Variants in HYCC2 observed in about 807,000 individuals in gnomAD.
HYCC2 encodes the protein hyccin 2.
chr2:201,026,460 A>G, the HYCC2 span, among the ~76,000 whole-genome samples: 2 of 152,174 alleles, frequency 1.3e-5, no homozygotes, highest in Admixed American at 1.3e-4. Context: ...TGCACCAAGC[A>G]CACCTAATAG....
chr2:201,052,237 C>T, the HYCC2 span: 1 of 153,022 alleles, frequency 6.5e-6, no homozygotes, highest in Non-Finnish European at 1.5e-5. Flanking sequence ...GGCGAGGCTG[C>T]AGTGAGCCGA....
chr2:200,978,353 C>T, the HYCC2 span: 1 of 151,246 alleles, frequency 6.6e-6, no homozygotes, highest in East Asian at 1.9e-4. Flanking sequence ...TTCACATCAC[C>T]TAAAAGAATA....
the HYCC2 span, among the ~76,000 whole-genome samples, chr2:201,067,866 A>G: frequency 1.3e-5 from 2 of 152,238 alleles, no homozygotes; most frequent in Admixed American, 6.5e-5. Context: ...ACAGGTCTGA[A>G]TCATGAAATA....
chr2:201,058,698 C>CAT, the HYCC2 span, among the ~76,000 whole-genome samples: 1 of 152,024 alleles, frequency 6.6e-6, no homozygotes, highest in African/African-American at 2.4e-5. Context: ...GGCCAGACCC[C>CAT]ATCTCAAGAA....
At chr2:200,994,135 T>C in the HYCC2 span, among the ~76,000 whole-genome samples, 1 of 152,180 alleles carries the variant, frequency 6.6e-6, no homozygotes, top group Admixed American at 6.5e-5. Flanking sequence ...TGGATGATGG[T>C]GAGTATCACA....
At chr2:201,039,716 A>G in the HYCC2 span, among the ~76,000 whole-genome samples, 1 of 152,220 alleles carries the variant, frequency 6.6e-6, no homozygotes, top group Non-Finnish European at 1.5e-5. Flanking sequence ...GCTAATACCA[A>G]CTAACTGAAT....
chr2:201,023,730 A>T, the HYCC2 span: 3 of 358,000 alleles, frequency 8.4e-6, no homozygotes, highest in Non-Finnish European at 1.5e-5. Context: ...CAATCCTAAC[A>T]ACTATTTTCA....
chr2:201,015,928 C>T, the HYCC2 span, among the ~76,000 whole-genome samples: 1 of 152,132 alleles, frequency 6.6e-6, no homozygotes, highest in East Asian at 1.9e-4. Flanking sequence ...TCAATAAAGC[C>T]TGCCATGATA....
At chr2:200,977,653 C>A in the HYCC2 span, 2 of 152,232 alleles carry the variant, frequency 1.3e-5, no homozygotes, top group Non-Finnish European at 2.9e-5. Context: ...GAGTTCGAGA[C>A]CAGCCTGGGC....
chr2:200,979,264 TACACACACACACAC>T, the HYCC2 span: 9 of 144,188 alleles, frequency 6.2e-5, no homozygotes, highest in South Asian at 1.1e-3. Context: ...ATACACACCA[TACACACACACACAC>T]ACACACACAC....
the HYCC2 span, chr2:201,022,112 T>C: frequency 2.3e-6 from 3 of 1,289,468 alleles, no homozygotes; most frequent in Non-Finnish European, 3.0e-6. Flanking sequence ...TTGGAGGCTG[T>C]ATCTGGGAAG....
chr2:200,974,547 G>C, the HYCC2 span: 1 of 151,824 alleles, frequency 6.6e-6, no homozygotes, highest in Non-Finnish European at 1.5e-5. Context: ...TCTCAATTCA[G>C]TATGGATGAT....
the HYCC2 span, among the ~76,000 whole-genome samples, chr2:201,062,285 G>A: frequency 6.6e-6 from 1 of 152,150 alleles, no homozygotes; most frequent in African/African-American, 2.4e-5. Context: ...TTGGGAGGCT[G>A]AAAAGGGTGG....
At chr2:200,997,385 A>G in the HYCC2 span, 1 of 1,211,114 alleles carries the variant, frequency 8.3e-7, no homozygotes, top group Non-Finnish European at 1.2e-6. Flanking sequence ...GGCTTAGAGA[A>G]TGTGCTCAAT....
chr2:201,003,805 C>CTTTT, the HYCC2 span, among the ~76,000 whole-genome samples: 57 of 66,366 alleles, frequency 8.6e-4, no homozygotes, highest in African/African-American at 9.9e-4. Context: ...GTTGTTGTTG[C>CTTTT]TTTTTTTTTT....
the HYCC2 span, chr2:200,980,010 TA>T: frequency 6.5e-6 from 1 of 152,766 alleles, no homozygotes; most frequent in South Asian, 2.1e-4. Context: ...TGCATTACAT[TA>T]AACACAAAGG....
chr2:201,026,529 T>C, the HYCC2 span, among the ~76,000 whole-genome samples: 1 of 152,190 alleles, frequency 6.6e-6, no homozygotes, highest in Non-Finnish European at 1.5e-5. Flanking sequence ...CAGCACTACA[T>C]CACACTTATT....
chr2:201,042,758 C>CGGCCA, the HYCC2 span, among the ~76,000 whole-genome samples: 2 of 150,438 alleles, frequency 1.3e-5, no homozygotes, highest in East Asian at 4.0e-4. Context: ...AGCCCCCGCC[C>CGGCCA]GCCGCCCCGT....
the HYCC2 span, chr2:201,011,398 G>C: frequency 1.3e-6 from 2 of 1,537,156 alleles, no homozygotes; most frequent in Non-Finnish European, 1.8e-6. Context: ...TTACTTCATG[G>C]TATATTGAAG....
Sources: gnomAD v4.1 joint callset for allele counts (sites outside exome capture counted in the v4.1 genomes callset) on GRCh38, gnomAD v4.1.1 for gene constraint, MANE v1.5 for transcripts, NCBI Gene and HGNC (gene_info 2026-07-23, HGNC 2026-07-21) for gene names.